The following NMNAT1 variants were observed in gnomAD, a reference collection of about 807,000 sequenced individuals.
NMNAT1 encodes the protein nicotinamide nucleotide adenylyltransferase 1.
NMNAT1 carries 11 observed loss-of-function variants against 16.7 expected under a neutral mutation model. That is an observed-to-expected ratio of 0.66 (90% confidence interval 0.41 to 1.09). The LOEUF is 1.09. NMNAT1 is among the 50% of genes least tolerant of loss of function. The pLI, the probability that NMNAT1 is intolerant of heterozygous loss-of-function variation, is 0.00. For synonymous variants in NMNAT1, 110 were observed against 119.8 expected (o/e 0.92, Z 0.53); for missense variants, 280 against 332.3 (o/e 0.84, Z 1.22).
chr1:9,945,943 G>A (rs1640969818), intron 1 of NMNAT1, among the ~76,000 whole-genome samples: 1 of 152,042 alleles, frequency 6.6e-6, no homozygotes, highest in African/African-American at 2.4e-5. Context: ...TTGTAGAGAT[G>A]AGGTTTTGTC....
chr1:9,964,929 C>CAAAAA (rs775381643), intron 1 of NMNAT1, among the ~76,000 whole-genome samples: 1 of 33,420 alleles, frequency 3.0e-5, no homozygotes, highest in African/African-American at 9.1e-5. Flanking sequence ...ACCTGGGCGA[C>CAAAAA]AAAAAAAAAA....
the NMNAT1 span, among the ~76,000 whole-genome samples, chr1:9,995,327 A>T: frequency 6.6e-6 from 1 of 151,942 alleles, no homozygotes; most frequent in Non-Finnish European, 1.5e-5. Context: ...TGAACTCAGG[A>T]GGTTGAGGCT....
At chr1:9,963,955 G>A (rs1024515893) in intron 1 of NMNAT1, among the ~76,000 whole-genome samples, 1 of 151,034 alleles carries the variant, frequency 6.6e-6, no homozygotes, top group Non-Finnish European at 1.5e-5. Context: ...GCTGAGGCGT[G>A]ATCTCAGCTC....
At chr1:9,974,138 A>G (rs1641753633) in intron 2 of NMNAT1, among the ~76,000 whole-genome samples, 3 of 152,140 alleles carry the variant, frequency 2.0e-5, no homozygotes, top group African/African-American at 7.2e-5. Flanking sequence ...ATAACATAGC[A>G]TAACCATAAC....
Position 9,982,180 on chromosome 1 carries a change from A to C in NMNAT1, c.440-121A>C, listed in dbSNP as rs1310195262. The C allele has an allele frequency of 3.0e-6, 4 of 1,340,432 alleles. No homozygotes were observed. The African/African-American group carries it at 5.9e-5, about 20-fold the overall frequency. The allele number at this position is 1,340,432 out of a possible 1,614,324, so 83.0% of individuals were successfully genotyped here. ...ACTCGGCCTAAGCCCTCATCCTTGAAAAGCACATACGTATCTTCATTTTGA... is the reference window on the plus strand; with the variant it reads ...ACTCGGCCTAAGCCCTCATCCTTGACAAGCACATACGTATCTTCATTTTGA... On this transcript the variant is annotated intron_variant, in intron 4 of 4. Coordinates refer to ENST00000377205, the MANE Select transcript of NMNAT1 (RefSeq NM_022787.4).
intron 1 of NMNAT1, among the ~76,000 whole-genome samples, chr1:9,965,883 G>A (rs907301902): frequency 1.3e-5 from 2 of 152,092 alleles, no homozygotes; most frequent in African/African-American, 4.8e-5. Context: ...CAGCTACTTG[G>A]AGGCTGAGGC....
intron 3 of NMNAT1, among the ~76,000 whole-genome samples, chr1:9,979,801 C>CAAAA (rs1165379193): frequency 1.1e-5 from 1 of 90,604 alleles, no homozygotes. Flanking sequence ...GACTCCATCT[C>CAAAA]AAAAAAAAAA....
intron 1 of NMNAT1, among the ~76,000 whole-genome samples, chr1:9,963,639 C>A (rs997080139): frequency 6.6e-6 from 1 of 152,024 alleles, no homozygotes; most frequent in African/African-American, 2.4e-5. Context: ...GAACTTCTGA[C>A]CTCGTGATCC....
At chr1:9,968,262 T>TG (rs1392972976) in intron 1 of NMNAT1, among the ~76,000 whole-genome samples, 1 of 150,948 alleles carries the variant, frequency 6.6e-6, no homozygotes, top group African/African-American at 2.4e-5. Context: ...TTAGTAGAGA[T>TG]GGGGTTTCAC....
intron 1 of NMNAT1, among the ~76,000 whole-genome samples, chr1:9,956,665 C>G (rs1014253508): frequency 2.0e-4 from 31 of 151,728 alleles, no homozygotes; most frequent in African/African-American, 6.8e-4. Context: ...TCAGGTGATC[C>G]GCCCACCTTG....
At chr1:9,953,719 G>T (rs893697243) in intron 1 of NMNAT1, among the ~76,000 whole-genome samples, 3 of 151,200 alleles carry the variant, frequency 2.0e-5, no homozygotes, top group Non-Finnish European at 4.4e-5. Flanking sequence ...GGGATTGCAG[G>T]CATGAGCCAC....
At chr1:9,978,270 C>G (rs1641858578) in intron 3 of NMNAT1, among the ~76,000 whole-genome samples, 1 of 152,034 alleles carries the variant, frequency 6.6e-6, no homozygotes, top group African/African-American at 2.4e-5. Context: ...GTGGGAGAAT[C>G]CCTTGAACCC....
At chr1:9,945,698 AAATAAT>A (rs747611021) in intron 1 of NMNAT1, among the ~76,000 whole-genome samples, 6 of 152,222 alleles carry the variant, frequency 3.9e-5, no homozygotes, top group Non-Finnish European at 7.3e-5. Flanking sequence ...GGTCTCAAAA[AAATAAT>A]AATAATAATT....
At chr1:9,968,604 T>TAAA (rs1351143808) in intron 1 of NMNAT1, among the ~76,000 whole-genome samples, 1 of 146,128 alleles carries the variant, frequency 6.8e-6, no homozygotes, top group Non-Finnish European at 1.5e-5. Flanking sequence ...CCGTCTGTAC[T>TAAA]AAAAATACAA....
intron 2 of NMNAT1, among the ~76,000 whole-genome samples, chr1:9,974,797 A>T (rs6700407): frequency 1 from 151,871 of 152,164 alleles, 75,789 homozygotes; most frequent in Middle Eastern, 1. Context: ...ACACTGGGAT[A>T]ACAGGTGTGA....
intron 1 of NMNAT1, among the ~76,000 whole-genome samples, chr1:9,957,360 TC>T: frequency 6.6e-6 from 1 of 150,780 alleles, no homozygotes; most frequent in East Asian, 2.0e-4. Context: ...AGACGCAGTC[TC>T]ACTCTGTTTC....
chr1:9,982,643 G>C lies in NMNAT1; in HGVS notation c.782G>C (p.Arg261Thr). ...HNLYSSESED[R>T]NAGVILAPLQ... ...TTGTACAGCTCTGAGAGTGAAGACA[G>C]GAATGCTGGGGTCATCCTGGCCCCT... Residue 261 changes from arginine (R) to threonine (T), a missense_variant, in exon 5 of 5, where the codon AGG becomes ACG. Physicochemically the swap from Arg to Thr is moderately conservative, Grantham distance 71. Coordinates refer to ENST00000377205, the MANE Select transcript of NMNAT1 (RefSeq NM_022787.4). The C allele has an allele frequency of 6.2e-7, 1 of 1,614,100 alleles. No individual in the cohort carries two copies. The highest frequency in any genetic ancestry group is 1.1e-5 in the South Asian group (1 of 91,078).
At chr1:9,996,843 C>T in the NMNAT1 span, among the ~76,000 whole-genome samples, 1 of 152,154 alleles carries the variant, frequency 6.6e-6, no homozygotes, top group Non-Finnish European at 1.5e-5. Context: ...AATCACTTCT[C>T]TCAGGACTCC....
At chr1:9,994,940 G>A in the NMNAT1 span, among the ~76,000 whole-genome samples, 1 of 152,000 alleles carries the variant, frequency 6.6e-6, no homozygotes, top group Non-Finnish European at 1.5e-5. Flanking sequence ...TAGAGATGGG[G>A]TTTCACCATG....
Sources: gnomAD v4.1 joint callset for allele counts (sites outside exome capture counted in the v4.1 genomes callset) on GRCh38, gnomAD v4.1.1 for gene constraint, MANE v1.5 for transcripts, NCBI Gene and HGNC (gene_info 2026-07-23, HGNC 2026-07-21) for gene names.